The following DCP1B variants were observed in gnomAD, a reference collection of about 807,000 sequenced individuals.
DCP1B encodes mRNA-decapping enzyme 1B.
In DCP1B, 47 loss-of-function variants were observed where a neutral mutation model predicts 60.5. That is an observed-to-expected ratio of 0.78 (90% CI 0.61 to 0.99). The LOEUF (loss-of-function observed/expected upper bound fraction) is 0.99. Among genes scored for constraint, DCP1B ranks in the 50% least tolerant of loss-of-function variants. DCP1B has a pLI of 0.00. For synonymous variants in DCP1B, 267 were observed against 280.3 expected (o/e 0.95, Z 0.47); for missense variants, 725 against 756.8 (o/e 0.96, Z 0.49).
chr12:1,949,495 C>T (rs2030577318), intron 7 of DCP1B, among the ~76,000 whole-genome samples, 161 bp from the exon 8 acceptor site: 1 of 152,218 alleles, frequency 6.6e-6, no homozygotes, highest in Non-Finnish European at 1.5e-5. Context: ...GCTCCATGCA[C>T]CTTCCTTCAG....
chr12:1,979,479 T>G (rs1294457911), intron 3 of DCP1B, among the ~76,000 whole-genome samples: 1 of 150,472 alleles, frequency 6.6e-6, no homozygotes, highest in African/African-American at 2.5e-5. Context: ...GCCTGGCTAA[T>G]TTTTGTATTT....
In DCP1B at chr12:1,993,540, C is replaced by T. The variant is rs1011872869; in HGVS notation, c.192-149G>A. On this transcript the variant is annotated intron_variant, in intron 2 of 8. Transcript: ENST00000280665. ...AGCCTGTACACGTACTTCTTCACCA[C>T]TGGCATCATTATGGACTAATTCCCA... The T allele has an allele frequency of 4.4e-6, 4 of 915,264 alleles. No homozygotes were observed. The South Asian group carries it at 7.0e-5, about 16-fold the overall frequency. 56.7% of individuals were successfully genotyped at this position (915,264 alleles called of 1,614,324 possible). A position where few individuals can be genotyped will look rare whatever the true frequency, so the allele number is the denominator to read the frequency against.
intron 5 of DCP1B, among the ~76,000 whole-genome samples, 155 bp downstream of exon 5, chr12:1,965,403 T>TA (rs2031259387): frequency 6.6e-6 from 1 of 152,198 alleles, no homozygotes; most frequent in Non-Finnish European, 1.5e-5. Context: ...CTTCAGCTTA[T>TA]AAAAAATCTA....
At chr12:1,994,866 C>A (rs998031839) in intron 2 of DCP1B, among the ~76,000 whole-genome samples, 7 of 152,098 alleles carry the variant, frequency 4.6e-5, no homozygotes, top group Non-Finnish European at 8.8e-5. Flanking sequence ...TAAGAGAAGT[C>A]AAAATAAATC....
At chr12:1,981,870 G>GA (rs1459784503) in intron 3 of DCP1B, among the ~76,000 whole-genome samples, 17 of 152,126 alleles carry the variant, frequency 1.1e-4, no homozygotes, top group Non-Finnish European at 2.2e-4. Flanking sequence ...AATTTAAGGA[G>GA]AAAAAAGAAT....
At chr12:1,961,671 G>C (rs1380821985) in intron 5 of DCP1B, among the ~76,000 whole-genome samples, 1 of 152,140 alleles carries the variant, frequency 6.6e-6, no homozygotes, top group East Asian at 1.9e-4. Flanking sequence ...AATAGTAATA[G>C]ACTGAGTTCA....
At chr12:1,987,795 C>A (rs1406121658) in intron 3 of DCP1B, among the ~76,000 whole-genome samples, 3 of 152,148 alleles carry the variant, frequency 2.0e-5, no homozygotes, top group Non-Finnish European at 4.4e-5. Context: ...TTATGATTTG[C>A]AGAGCTACAT....
In DCP1B at chr12:1,952,688, C is replaced by G; in HGVS notation, c.1252G>C (p.Gly418Arg). Residue 418 changes from glycine (G) to arginine (R), a missense_variant, in exon 7 of 9, where the codon GGA becomes CGA. Coordinates refer to ENST00000280665, the MANE Select transcript of DCP1B (RefSeq NM_152640.5). ...FNGSLPPQTV[G>R]HQAHGREQST... is the part of the protein sequence containing the mutation. ...TGTTCTCTTCCATGAGCCTGATGTC[C>G]TACTGTCTGAGGTGGAAGGGAGCCA... 3.7e-6 allele frequency: 6 copies of G among 1,614,156 alleles called. No homozygotes were observed. The highest frequency in any genetic ancestry group is 5.1e-6 in the Non-Finnish European group (6 of 1,180,026).
Position 1,946,287 on chromosome 12 carries a change from C to A in DCP1B, c.1774-1G>T. The A allele has an allele frequency of 6.3e-7, 1 of 1,598,594 alleles. No homozygotes were observed. ...TTATATTTAAGAAGTTGTCATCATT[C>A]TGGAAAACAAATCGAAAGACCCAAG... On this transcript the variant is annotated splice_acceptor_variant, in intron 8 of 8. Transcript: ENST00000280665. LOFTEE classifies it high-confidence loss of function.
chr12:1,965,027 A>G (rs1029114011), intron 5 of DCP1B, among the ~76,000 whole-genome samples: 1 of 152,150 alleles, frequency 6.6e-6, no homozygotes, highest in African/African-American at 2.4e-5. Context: ...GGGAGGGGAA[A>G]AGAAACCAGT....
At chr12:1,982,678 A>T (rs1244657505) in intron 3 of DCP1B, among the ~76,000 whole-genome samples, 1 of 152,074 alleles carries the variant, frequency 6.6e-6, no homozygotes. Context: ...TACTATAAAC[A>T]TTTTTTTGTT....
chr12:1,952,475 G>T lies in DCP1B; in HGVS notation c.1465C>A (p.Pro489Thr). 6.2e-7 allele frequency: 1 copy of T among 1,613,330 alleles called. No individual in the cohort carries two copies. The highest frequency in any genetic ancestry group is 1.1e-5 in the South Asian group (1 of 90,998). ...GTCTTGTTGATCCAGGATTCCAAGG[G>T]TTTCCCTGTTCCAGAGCTCTGAGCG... ...VLAQSSGTGK[P>T]LESWINKTPN... is the part of the protein sequence containing the mutation. The change falls in exon 7 of 9, where the codon CCC becomes ACC. Residue 489 changes from proline to threonine, a missense_variant. Transcript: ENST00000280665.
intron 3 of DCP1B, 182 bp downstream of exon 3, chr12:1,993,082 C>A: frequency 1.2e-6 from 1 of 832,506 alleles, no homozygotes; most frequent in Non-Finnish European, 2.1e-6. Flanking sequence ...TTAAACTCTT[C>A]CAAGGAAGAA....
At chr12:1,979,377 C>G (rs2035442705) in intron 3 of DCP1B, among the ~76,000 whole-genome samples, 1 of 152,048 alleles carries the variant, frequency 6.6e-6, no homozygotes, top group Admixed American at 6.5e-5. Flanking sequence ...TGCAGTGGTG[C>G]CATCTTGGCT....
intron 3 of DCP1B, among the ~76,000 whole-genome samples, chr12:1,983,231 T>C (rs190582343): frequency 1.3e-5 from 2 of 151,990 alleles, no homozygotes; most frequent in African/African-American, 2.4e-5. Flanking sequence ...AACAGTTTTT[T>C]TGTTTTTTAT....
intron 5 of DCP1B, among the ~76,000 whole-genome samples, chr12:1,964,258 T>G (rs1490699158): frequency 6.6e-6 from 1 of 152,152 alleles, no homozygotes; most frequent in Non-Finnish European, 1.5e-5. Context: ...CCAAATTCTA[T>G]AATTTTTAAA....
At chr12:1,975,147 C>T (rs2033927783) in intron 3 of DCP1B, among the ~76,000 whole-genome samples, 1 of 152,046 alleles carries the variant, frequency 6.6e-6, no homozygotes, top group African/African-American at 2.4e-5. Context: ...TTCATTTTTA[C>T]CTTAATCTGT....
chr12:1,976,127 C>T (rs549895685), intron 3 of DCP1B, among the ~76,000 whole-genome samples: 1 of 152,268 alleles, frequency 6.6e-6, no homozygotes, highest in South Asian at 2.1e-4. Flanking sequence ...AGATCCCTTC[C>T]TTTCAGCCTA....
At chr12:2,003,683 G>A (rs1247035760) in intron 1 of DCP1B, among the ~76,000 whole-genome samples, 2 of 152,192 alleles carry the variant, frequency 1.3e-5, no homozygotes, top group Non-Finnish European at 1.5e-5. Context: ...GTGTGCTGCC[G>A]TGTAATAATC....
Sources: gnomAD v4.1 joint callset for allele counts (sites outside exome capture counted in the v4.1 genomes callset) on GRCh38, gnomAD v4.1.1 for gene constraint, MANE v1.5 for transcripts, NCBI Gene and HGNC (gene_info 2026-07-23, HGNC 2026-07-21) for gene names.